The following SMARCA1 variants were observed in gnomAD, a reference collection of about 807,000 sequenced individuals.
SMARCA1 encodes SNF2 related chromatin remodeling ATPase 1.
Under a neutral mutation model 93.6 loss-of-function variants are expected in SMARCA1, and 17 were observed. That is an observed-to-expected ratio of 0.18 (90% CI 0.12 to 0.27). The LOEUF (loss-of-function observed/expected upper bound fraction) is 0.27, where lower values mean the gene tolerates loss of function less well. SMARCA1 is among the 10% of genes least tolerant of loss of function. The pLI is 1.00. For missense variants in SMARCA1, 630 were observed against 819.0 expected (o/e 0.77, Z 2.82); for synonymous variants, 271 against 271.4 (o/e 1.00, Z 0.01).
Position 129,484,287 on chromosome X carries a change from C to T in SMARCA1, c.2217+2731G>A, listed in dbSNP as rs189819549. Among the ~76,000 whole-genome samples the T allele has an allele frequency of 4.2e-3, 467 of 111,908 alleles. 2 individuals are homozygous for T. The highest frequency in any genetic ancestry group is 0.015 in the African/African-American group (456 of 30,849). Reference sequence around the variant, plus strand: ...AGGAATAATTGTAAAATTAATAAAACTTATATCACATAATGAGATCTCAAA... The same window carrying T: ...AGGAATAATTGTAAAATTAATAAAATTTATATCACATAATGAGATCTCAAA... On this transcript the variant is annotated intron_variant, in intron 17 of 24. Coordinates refer to ENST00000371121, the MANE Select transcript of SMARCA1 (RefSeq NM_001282874.2).
At chrX:129,469,128 C>T (rs933189927) in intron 20 of SMARCA1, among the ~76,000 whole-genome samples, 2 of 111,557 alleles carry the variant, frequency 1.8e-5, no homozygotes, top group Non-Finnish European at 3.8e-5. Context: ...ATACATAGTT[C>T]GAAGATCTGT....
Position 129,469,698 on chromosome X carries a change from A to C in SMARCA1, c.2566-793T>G, listed in dbSNP as rs113135252. 3.7e-4 allele frequency among the ~76,000 whole-genome samples: 41 copies of C among 112,168 alleles called. 1 individual carries two copies. The highest frequency in any genetic ancestry group is 1.2e-3 in the African/African-American group (38 of 30,921). On this transcript the variant is annotated intron_variant, in intron 20 of 24. Coordinates refer to ENST00000371121, the MANE Select transcript of SMARCA1 (RefSeq NM_001282874.2). ...TTTTTTGAAAAAGATTAATTATTTA[A>C]GGCAGCAGAGAAGGACAAAAATGAA...
In SMARCA1 at chrX:129,499,820, G is replaced by A. The variant is rs750290599; in HGVS notation, c.1189C>T (p.Arg397Cys). 1.5e-5 allele frequency: 17 copies of A among 1,144,775 alleles called. No individual in the cohort carries two copies. Among genetic ancestry groups the A allele is most frequent in the East Asian group, 3.1e-5 (1 of 32,745 alleles). 94.3% of individuals were successfully genotyped at this position (1,144,775 alleles called of 1,213,427 possible). A position where few individuals can be genotyped will look rare whatever the true frequency, so the allele number is the denominator to read the frequency against. ...TTCTCTACATCAGTTTTTATACGGCGTAACAAAAATGGTTTTAAAACCTAA... is the reference window on the plus strand; with the variant it reads ...TTCTCTACATCAGTTTTTATACGGCATAACAAAAATGGTTTTAAAACCTAA... ...LHAVLKPFLL[R>C]RIKTDVEKSL... Residue 397 changes from arginine (R) to cysteine (C), a missense_variant, in exon 10 of 25, where the codon CGC becomes TGC. Arg to Cys is a radical substitution (Grantham distance 180). Around this residue, in one of 4 missense-constraint regions of SMARCA1, gnomAD observed 382 missense variants for 537.9 expected, o/e 0.71. Transcript: ENST00000371121.
At chrX:129,502,354 G>A (rs189413780) in intron 9 of SMARCA1, among the ~76,000 whole-genome samples, 212 of 111,608 alleles carry the variant, frequency 1.9e-3, no homozygotes, top group Admixed American at 0.016. Context: ...AAAAGCCCAC[G>A]AAAGGGACTG....
Position 129,504,739 on chromosome X carries a change from G to A in SMARCA1, c.1162C>T (p.His388Tyr). Residue 388 changes from histidine (H) to tyrosine (Y), a missense_variant, in exon 9 of 25, where the codon CAT becomes TAT. By Grantham distance (83) the His-to-Tyr change is moderately conservative. Around this residue, in one of 4 missense-constraint regions of SMARCA1, gnomAD observed 382 missense variants for 537.9 expected, o/e 0.71. Coordinates refer to ENST00000371121, the MANE Select transcript of SMARCA1 (RefSeq NM_001282874.2). The part of the protein sequence containing the change: ...LGDQKLVERL[H>Y]AVLKPFLLRR... ...TCTTGTCTGCTATTACTTACTGCAT[G>A]AAGTCTTTCCACGAGTTTTTGATCA... is the stretch of plus-strand genomic sequence containing the variant. 8.5e-7 allele frequency: 1 copy of A among 1,181,751 alleles called. No individual in the cohort carries two copies. The highest frequency in any genetic ancestry group is 1.8e-5 in the South Asian group (1 of 56,140).
chrX:129,460,244 T>G (rs1932784039), intron 23 of SMARCA1, among the ~76,000 whole-genome samples: 1 of 112,190 alleles, frequency 8.9e-6, no homozygotes, highest in Non-Finnish European at 1.9e-5. Context: ...TTAAATATTT[T>G]AATTCTATAG....
At chrX:129,451,183 T>G (rs942151374) in intron 23 of SMARCA1, among the ~76,000 whole-genome samples, 6 of 112,320 alleles carry the variant, frequency 5.3e-5, no homozygotes, top group African/African-American at 1.9e-4. Context: ...AATAGTGATA[T>G]CTTTAGTATG....
chrX:129,472,145 G>A (rs1476492262), intron 19 of SMARCA1, among the ~76,000 whole-genome samples: 1 of 111,984 alleles, frequency 8.9e-6, no homozygotes, highest in Non-Finnish European at 1.9e-5. Flanking sequence ...TGGTTCAGCA[G>A]TATGGGGCTG....
intron 2 of SMARCA1, among the ~76,000 whole-genome samples, chrX:129,517,277 CTTTG>C (rs773706679): frequency 2.7e-3 from 303 of 111,228 alleles, no homozygotes; most frequent in Middle Eastern, 4.7e-3. Flanking sequence ...GGCAATAAAA[CTTTG>C]TTTCACTAAA....
chrX:129,499,673 G>C, intron 10 of SMARCA1, 59 bp downstream of exon 10: 1 of 629,113 alleles, frequency 1.6e-6, no homozygotes, highest in Non-Finnish European at 2.5e-6. Context: ...CAACTACAAA[G>C]CTAATTTTTA....
At position 129,481,141 on chromosome X, in the gene SMARCA1, T is replaced by C; in HGVS notation, c.2262A>G (p.Lys754=). 1 of 1,207,703 alleles carries C rather than the reference T, an allele frequency of 8.3e-7. No individual in the cohort carries two copies. Among genetic ancestry groups the C allele is most frequent in the Non-Finnish European group, 1.1e-6 (1 of 892,393 alleles). Reference sequence around the variant, plus strand: ...AGTAGGCATCCACTGCGTAGTTTGCTTTGCGTTCTCGTTTAGGAGGTTCAA... The same window carrying C: ...AGTAGGCATCCACTGCGTAGTTTGCCTTGCGTTCTCGTTTAGGAGGTTCAA... The part of the protein sequence containing the change: ...EWIEPPKRER[K]ANYAVDAYFR... Residue 754 remains lysine (K), a synonymous_variant, in exon 18 of 25, where the codon AAA becomes AAG. Coordinates refer to ENST00000371121, the MANE Select transcript of SMARCA1 (RefSeq NM_001282874.2).
intron 17 of SMARCA1, among the ~76,000 whole-genome samples, chrX:129,484,409 A>G (rs1460037964): frequency 8.9e-6 from 1 of 111,945 alleles, no homozygotes; most frequent in Non-Finnish European, 1.9e-5. Flanking sequence ...GATTAGAGAT[A>G]GGACAACCTG....
intron 1 of SMARCA1, among the ~76,000 whole-genome samples, chrX:129,519,661 C>A (rs1380011289): frequency 9.0e-6 from 1 of 111,569 alleles, no homozygotes; most frequent in East Asian, 2.8e-4. Context: ...GCATCTGATA[C>A]GTACACATCT....
intron 9 of SMARCA1, among the ~76,000 whole-genome samples, chrX:129,500,484 C>A (rs1346087734): frequency 8.9e-6 from 1 of 112,405 alleles, no homozygotes; most frequent in Non-Finnish European, 1.9e-5. Flanking sequence ...GATTTTTAAA[C>A]CTGAGAGGAA....
At chrX:129,466,634 G>A (rs757429048) in intron 21 of SMARCA1, among the ~76,000 whole-genome samples, 32 of 110,898 alleles carry the variant, frequency 2.9e-4, no homozygotes, top group South Asian at 2.7e-3. Context: ...CAGCCTGGGC[G>A]ATTAAGTGAG....
intron 23 of SMARCA1, among the ~76,000 whole-genome samples, chrX:129,461,126 T>C (rs1017723251): frequency 8.9e-6 from 1 of 111,785 alleles, no homozygotes. Context: ...GATATGGTAA[T>C]TGTAATGACT....
At chrX:129,496,968 A>G (rs750939140) in intron 11 of SMARCA1, 97 bp from the exon 12 acceptor site, 41 of 720,621 alleles carry the variant, frequency 5.7e-5, no homozygotes, top group Non-Finnish European at 8.6e-5. Context: ...TGTAGAGCAC[A>G]TGAACACTCC....
At chrX:129,454,961 G>T (rs1932531335) in intron 23 of SMARCA1, among the ~76,000 whole-genome samples, 1 of 111,874 alleles carries the variant, frequency 8.9e-6, no homozygotes, top group African/African-American at 3.3e-5. Flanking sequence ...AACAACAGAT[G>T]CTGGAGAGGA....
intron 7 of SMARCA1, 23 bp from the exon 8 acceptor site, chrX:129,506,234 G>T: frequency 9.1e-7 from 1 of 1,096,858 alleles, no homozygotes; most frequent in Non-Finnish European, 1.3e-6. Context: ...ACTCATATGA[G>T]GATTATTTTA....
Sources: gnomAD v4.1 joint callset for allele counts (sites outside exome capture counted in the v4.1 genomes callset) on GRCh38, gnomAD v4.1.1 for gene constraint, gnomAD v4.1.1 regional missense constraint, MANE v1.5 for transcripts, NCBI Gene and HGNC (gene_info 2026-07-23, HGNC 2026-07-21) for gene names.